Variants in UBE2D4 observed in about 807,000 individuals in gnomAD.
The protein encoded by UBE2D4 is ubiquitin conjugating enzyme E2 D4, also known as ubiquitin-conjugating enzyme E2 D4.
In UBE2D4, 17 loss-of-function variants were observed where a neutral mutation model predicts 23.0. That is an observed-to-expected ratio of 0.74 (90% CI 0.51 to 1.11). The LOEUF (loss-of-function observed/expected upper bound fraction) is 1.11, where lower values mean the gene tolerates loss of function less well. UBE2D4 is among the 50% of genes least tolerant of loss of function. The pLI is 0.00. For missense variants in UBE2D4, 139 were observed against 181.8 expected (o/e 0.76, Z 1.35); for synonymous variants, 61 against 69.4 (o/e 0.88, Z 0.60).
At chr7:43,930,196 G>T (rs2095942388) in intron 1 of UBE2D4, among the ~76,000 whole-genome samples, 1 of 152,178 alleles carries the variant, frequency 6.6e-6, no homozygotes, top group South Asian at 2.1e-4. Flanking sequence ...GAGTGGCAAG[G>T]AGTCTGGTTA....
At position 43,933,013 on chromosome 7, in the gene UBE2D4, T is replaced by TATATATATATACAC. The variant is rs1340458201; in HGVS notation, c.25-5417_25-5416insTATATATATACACA. 2.2e-3 allele frequency among the ~76,000 whole-genome samples: 257 copies of TATATATATATACAC among 116,624 alleles called. 8 individuals are homozygous for TATATATATATACAC. The highest frequency in any genetic ancestry group is 4.9e-3 in the Middle Eastern group (1 of 206). 76.5% of individuals were successfully genotyped at this position (116,624 alleles called of 152,430 possible). On this transcript the variant is annotated intron_variant, in intron 1 of 6. Coordinates refer to ENST00000222402, the MANE Select transcript of UBE2D4 (RefSeq NM_015983.4). ...ATATATATATATATATATATATATATACACACACATATATATACACATATG... is the reference window on the plus strand; with the variant it reads ...ATATATATATATATATATATATATATATATATATATACACACACACACATATATATACACATATG...
intron 4 of UBE2D4, 102 bp from the exon 5 acceptor site, chr7:43,948,530 C>A: frequency 1.3e-6 from 1 of 746,172 alleles, no homozygotes; most frequent in Non-Finnish European, 2.3e-6. Flanking sequence ...AGGTATGCAG[C>A]ACACTCCAGG....
chr7:43,930,489 T>A (rs1380845480), intron 1 of UBE2D4, among the ~76,000 whole-genome samples: 1 of 152,222 alleles, frequency 6.6e-6, no homozygotes, highest in Admixed American at 6.5e-5. Context: ...AGGGTCTTGC[T>A]CTGTTACCTA....
In UBE2D4 at chr7:43,955,827, G is replaced by GTGT. The variant is rs2096012109; in HGVS notation, c.*3135_*3137dup. ...ACTGTGAAACACTTCCTCTCCAGCA[G>GTGT]TGTTGGGAAAGTTCTGGACCTCTAC... is the stretch of plus-strand genomic sequence containing the variant. On this transcript the variant is annotated 3_prime_UTR_variant, in exon 7 of 7. Transcript: ENST00000222402. 1 of 152,004 alleles carries GTGT rather than the reference G, an allele frequency of 6.6e-6. No individual in the cohort carries two copies. The highest frequency in any genetic ancestry group is 2.4e-5 in the African/African-American group (1 of 41,328). The allele number at this position is 152,004 out of a possible 1,614,324, so 9.4% of individuals were successfully genotyped here.
rs1292227384 is a variant in UBE2D4 at position 43,950,446 on chromosome 7, G to A, written c.305-153G>A. Among the ~76,000 whole-genome samples the A allele has an allele frequency of 2.0e-5, 3 of 152,254 alleles. No individual in the cohort carries two copies. The East Asian group carries it at 5.8e-4, about 29-fold the overall frequency. ...GACCACCTCGGCTGATACATGGGACGGGGCAAGTGGTGCATCAAGCAATTT... is the reference window on the plus strand; with the variant it reads ...GACCACCTCGGCTGATACATGGGACAGGGCAAGTGGTGCATCAAGCAATTT... On this transcript the variant is annotated intron_variant, in intron 5 of 6. Coordinates refer to ENST00000222402, the MANE Select transcript of UBE2D4 (RefSeq NM_015983.4).
chr7:43,926,590 G>A, intron 1 of UBE2D4, 34 bp downstream of exon 1: 1 of 1,552,072 alleles, frequency 6.4e-7, no homozygotes, highest in Non-Finnish European at 8.7e-7. Flanking sequence ...CTCTTTGGGT[G>A]TCCGAAGCGT....
intron 6 of UBE2D4, chr7:43,952,351 A>G: frequency 3.0e-6 from 1 of 330,748 alleles, no homozygotes; most frequent in Non-Finnish European, 5.9e-6. Context: ...TCCATATTGT[A>G]GGACAGGAGA....
rs772866230 is a variant in UBE2D4 at position 43,937,612 on chromosome 7, A to G, written c.25-819A>G. 4.3e-4 allele frequency among the ~76,000 whole-genome samples: 65 copies of G among 152,324 alleles called. 1 individual carries two copies. The highest frequency in any genetic ancestry group is 3.0e-3 in the Admixed American group (46 of 15,296). On this transcript the variant is annotated intron_variant, in intron 1 of 6. Transcript: ENST00000222402. ...AGAAAACATGGCCCTGATTTGTAGCATTTGCTGGCTTCTGTGATGTTAATA... is the reference window on the plus strand; with the variant it reads ...AGAAAACATGGCCCTGATTTGTAGCGTTTGCTGGCTTCTGTGATGTTAATA...
chr7:43,938,359 G>A, intron 1 of UBE2D4, 72 bp from the exon 2 acceptor site: 1 of 1,473,464 alleles, frequency 6.8e-7, no homozygotes. Context: ...ATTCCTTCCA[G>A]CTACCAAGAT....
intron 4 of UBE2D4, among the ~76,000 whole-genome samples, chr7:43,948,058 A>C (rs1458653004): frequency 2.0e-5 from 3 of 152,136 alleles, no homozygotes; most frequent in Non-Finnish European, 4.4e-5. Context: ...TTTCTTACAA[A>C]TATGTTTAAG....
intron 6 of UBE2D4, 180 bp from the exon 7 acceptor site, chr7:43,952,470 C>T (rs2096005021): frequency 3.3e-6 from 2 of 601,714 alleles, no homozygotes; most frequent in Non-Finnish European, 6.0e-6. Flanking sequence ...TGGGGGTTTA[C>T]AGCCATGTCT....
chr7:43,934,028 C>T (rs147839761), intron 1 of UBE2D4, among the ~76,000 whole-genome samples: 18 of 152,224 alleles, frequency 1.2e-4, no homozygotes, highest in South Asian at 1.0e-3. Context: ...AAAAGAAAAG[C>T]TTTTGTGAAC....
intron 5 of UBE2D4, 177 bp downstream of exon 5, chr7:43,948,914 A>T: frequency 1.7e-6 from 1 of 573,584 alleles, no homozygotes; most frequent in Admixed American, 2.9e-5. Flanking sequence ...GCACCAGCAG[A>T]ACTTTGTGCC....
chr7:43,938,697 A>G (rs2595645), intron 2 of UBE2D4, among the ~76,000 whole-genome samples: 1 of 152,178 alleles, frequency 6.6e-6, no homozygotes, highest in Non-Finnish European at 1.5e-5. Context: ...TTAGCCGGGC[A>G]TGCTGGCACA....
chr7:43,954,907 T>C lies in UBE2D4; in HGVS notation c.*2212T>C, dbSNP rs1350916637. On this transcript the variant is annotated 3_prime_UTR_variant, in exon 7 of 7. Coordinates refer to ENST00000222402, the MANE Select transcript of UBE2D4 (RefSeq NM_015983.4). Reference sequence around the variant, plus strand: ...ACTCTGGTCTTTCAAGTGTAGTAGCTGATGATTCCCAAGAAACTGATGAAT... The same window carrying C: ...ACTCTGGTCTTTCAAGTGTAGTAGCCGATGATTCCCAAGAAACTGATGAAT... 1 of 152,218 alleles carries C rather than the reference T, an allele frequency of 6.6e-6. No homozygotes were observed. Among genetic ancestry groups the C allele is most frequent in the Non-Finnish European group, 1.5e-5 (1 of 68,038 alleles). The allele number at this position is 152,218 out of a possible 1,614,324, so 9.4% of individuals were successfully genotyped here.
At chr7:43,943,337 T>G in intron 4 of UBE2D4, 8 of 486,120 alleles carry the variant, frequency 1.6e-5, no homozygotes, top group Middle Eastern at 5.6e-4. Context: ...TTCTCTGCAG[T>G]CCCTTAGAGT....
intron 1 of UBE2D4, among the ~76,000 whole-genome samples, chr7:43,933,055 T>C (rs904048761): frequency 6.9e-6 from 1 of 145,594 alleles, no homozygotes; most frequent in Non-Finnish European, 1.5e-5. Context: ...TGTATATATA[T>C]AACATATATA....
intron 2 of UBE2D4, chr7:43,941,438 T>C (rs1213603518): frequency 1.3e-5 from 2 of 152,350 alleles, no homozygotes; most frequent in Admixed American, 6.5e-5. Flanking sequence ...GGGTGTGATG[T>C]GCAGCAAGAG....
At chr7:43,948,820 G>C (rs1562606829) in intron 5 of UBE2D4, 83 bp downstream of exon 5, 5 of 1,119,476 alleles carry the variant, frequency 4.5e-6, no homozygotes, top group Non-Finnish European at 5.4e-6. Flanking sequence ...TGGAAGCTCA[G>C]AGAAAGAAGT....
Sources: gnomAD v4.1 joint callset for allele counts (sites outside exome capture counted in the v4.1 genomes callset) on GRCh38, gnomAD v4.1.1 for gene constraint, MANE v1.5 for transcripts, NCBI Gene and HGNC (gene_info 2026-07-23, HGNC 2026-07-21) for gene names.